Variants in HUNK observed in about 807,000 individuals in gnomAD.
HUNK encodes the protein hormonally up-regulated Neu-associated kinase.
Under a neutral mutation model 61.0 loss-of-function variants are expected in HUNK, and 21 were observed. That is an observed-to-expected ratio of 0.34 (90% CI 0.24 to 0.50). The LOEUF is 0.50. Ranked by LOEUF, HUNK falls within the 20% of genes least tolerant of loss-of-function variation. The probability of loss-of-function intolerance (pLI) is 0.98; values close to 1 mark genes in which losing one functional copy is unlikely to be tolerated. For missense variants in HUNK, 772 were observed against 945.7 expected, an observed-to-expected ratio of 0.82 and a Z score of 2.41; for synonymous variants, 371 against 386.1, an observed-to-expected ratio of 0.96 and a Z score of 0.46.
intron 2 of HUNK, among the ~76,000 whole-genome samples, chr21:31,938,025 T>C (rs1443469601): frequency 1.3e-5 from 2 of 152,254 alleles, no homozygotes; most frequent in East Asian, 1.9e-4. Flanking sequence ...AGTTTGAACA[T>C]GGATCTTCCT....
intron 1 of HUNK, among the ~76,000 whole-genome samples, chr21:31,921,682 C>T (rs988161428): frequency 6.6e-6 from 1 of 152,140 alleles, no homozygotes; most frequent in African/African-American, 2.4e-5. Flanking sequence ...ATTCAAGAGG[C>T]CAGGAGGAGC....
chr21:31,882,632 C>T (rs2052316725), intron 1 of HUNK, among the ~76,000 whole-genome samples: 1 of 152,110 alleles, frequency 6.6e-6, no homozygotes, highest in African/African-American at 2.4e-5. Context: ...ATCGGCGTGT[C>T]CATCACCTAA....
At chr21:31,921,482 G>A (rs2123814398) in intron 1 of HUNK, among the ~76,000 whole-genome samples, 1 of 152,256 alleles carries the variant, frequency 6.6e-6, no homozygotes, top group East Asian at 1.9e-4. Context: ...CCTGGAGAGT[G>A]ATAGAATGCA....
chr21:31,962,702 A>G (rs567757789), intron 5 of HUNK, among the ~76,000 whole-genome samples: 1 of 152,370 alleles, frequency 6.6e-6, no homozygotes, highest in South Asian at 2.1e-4. Context: ...TTTTCTAATT[A>G]GGGAATCTGA....
intron 1 of HUNK, among the ~76,000 whole-genome samples, chr21:31,879,991 A>G (rs1601355583): frequency 2.0e-5 from 3 of 152,178 alleles, no homozygotes; most frequent in Admixed American, 2.0e-4. Flanking sequence ...GCTTTCTGAT[A>G]GGAGGTGCCA....
chr21:31,901,015 G>A (rs1486463301), intron 1 of HUNK, among the ~76,000 whole-genome samples: 2 of 152,218 alleles, frequency 1.3e-5, no homozygotes, highest in African/African-American at 4.8e-5. Flanking sequence ...CTGGCAGCAC[G>A]ACTCCAGCCT....
At chr21:31,942,481 C>T (rs563421146) in intron 3 of HUNK, among the ~76,000 whole-genome samples, 24 of 152,304 alleles carry the variant, frequency 1.6e-4, no homozygotes, top group South Asian at 8.3e-4. Flanking sequence ...CTGCTGCAAT[C>T]GGTGGATGCA....
intron 5 of HUNK, among the ~76,000 whole-genome samples, chr21:31,965,588 G>A (rs992974634): frequency 8.0e-6 from 1 of 124,488 alleles, no homozygotes; most frequent in African/African-American, 3.1e-5. Context: ...ACTGTTCTTT[G>A]TTTTTCTTTT....
intron 1 of HUNK, among the ~76,000 whole-genome samples, chr21:31,903,700 C>T (rs1057285911): frequency 1.3e-5 from 2 of 152,190 alleles, no homozygotes; most frequent in Non-Finnish European, 2.9e-5. Flanking sequence ...TTTACCCCTC[C>T]GTTAACGGAA....
In HUNK at chr21:31,924,553, A is replaced by C. The variant is rs746129084; in HGVS notation, c.347A>C (p.Gln116Pro). The C allele has an allele frequency of 6.2e-7, 1 of 1,614,224 alleles. No homozygotes were observed. Among genetic ancestry groups the C allele is most frequent in the Admixed American group, 1.7e-5 (1 of 60,026 alleles). Residue 116 changes from glutamine to proline, a missense_variant, in exon 2 of 11, where the codon CAG becomes CCG. By Grantham distance (76) the Gln-to-Pro change is moderately conservative (BLOSUM62 -1). Transcript: ENST00000270112. This position sits in a 1 kb window ranked among gnomAD's most constrained non-coding sequence, Gnocchi z 5.1. ...CTGCGGCGAGAGGGTCAGATCCAGC[A>C]GATGATCCGCCACCCCAATATCACT... ...KNLRREGQIQ[Q>P]MIRHPNITQL... is the part of the protein sequence containing the mutation.
Position 31,937,363 on chromosome 21 carries a change from C to G in HUNK, c.555-2802C>G, listed in dbSNP as rs534198209. Among the ~76,000 whole-genome samples, 6 of 152,236 alleles carry G rather than the reference C, an allele frequency of 3.9e-5. No individual in the cohort carries two copies. In the East Asian group the frequency reaches 5.8e-4, roughly 15 times the overall value. On this transcript the variant is annotated intron_variant, in intron 2 of 10. Coordinates refer to ENST00000270112, the MANE Select transcript of HUNK (RefSeq NM_014586.2). ...AAGGAAGGTAAAAGCATTTATGGGG[C>G]TTTAATAATAACTTCTAGAGATACG...
intron 4 of HUNK, among the ~76,000 whole-genome samples, chr21:31,955,620 A>G (rs147297101): frequency 5.9e-5 from 9 of 152,300 alleles, no homozygotes; most frequent in African/African-American, 1.7e-4. Flanking sequence ...CAAGGCAGAC[A>G]CTGAAATTGG....
At chr21:31,909,602 C>T (rs1601372114) in intron 1 of HUNK, among the ~76,000 whole-genome samples, 1 of 152,172 alleles carries the variant, frequency 6.6e-6, no homozygotes, top group East Asian at 1.9e-4. Context: ...AGGAGGGTGG[C>T]CAGTGGGGAG....
intron 8 of HUNK, among the ~76,000 whole-genome samples, chr21:31,987,309 G>A (rs1300629188): frequency 1.3e-5 from 2 of 152,180 alleles, no homozygotes; most frequent in East Asian, 3.9e-4. Flanking sequence ...CAGAGTCCAG[G>A]GGATGCAGAA....
At position 31,990,147 on chromosome 21, in the gene HUNK, A is replaced by G. The variant is rs1271223045; in HGVS notation, c.1276A>G (p.Thr426Ala). ...TTCACAGGCCTCTCTGGACACCTGG[A>G]CACGAGATCTTGAATTCCATGCCGT... ...ESYEASLDTW[T>A]RDLEFHAVQD... The change falls in exon 9 of 11, where the codon ACA becomes GCA. Residue 426 changes from threonine (T) to alanine (A), a missense_variant. Thr to Ala is a moderately conservative substitution (Grantham distance 58). Around this residue, in one of 2 missense-constraint regions of HUNK, gnomAD observed 413 missense variants for 444.4 expected, o/e 0.93. Transcript: ENST00000270112. 3.1e-6 allele frequency: 5 copies of G among 1,614,050 alleles called. No homozygotes were observed. The East Asian group carries it at 8.9e-5, about 29-fold the overall frequency.
At position 31,896,898 on chromosome 21, in the gene HUNK, AT is replaced by A. The variant is rs2052428628; in HGVS notation, c.261+22964del. ...ACTAAAAAATGTTGTTGCTAGTAGC[AT>A]GATGTCATGTGGATTAGTTGCCTAT... On this transcript the variant is annotated intron_variant, in intron 1 of 10. Coordinates refer to ENST00000270112, the MANE Select transcript of HUNK (RefSeq NM_014586.2). 2.6e-5 allele frequency among the ~76,000 whole-genome samples: 4 copies of A among 152,358 alleles called. No individual in the cohort carries two copies. In the South Asian group the frequency reaches 8.3e-4, roughly 32 times the overall value.
At chr21:31,979,431 CTA>C (rs2053076369) in intron 7 of HUNK, among the ~76,000 whole-genome samples, 1 of 115,486 alleles carries the variant, frequency 8.7e-6, no homozygotes, top group East Asian at 2.4e-4. Flanking sequence ...TTGGCCATTT[CTA>C]TGTCTTCTTT....
At chr21:31,901,948 G>A (rs777404892) in intron 1 of HUNK, among the ~76,000 whole-genome samples, 35 of 152,118 alleles carry the variant, frequency 2.3e-4, no homozygotes, top group Non-Finnish European at 3.5e-4. Context: ...CTTAGCTGTC[G>A]GTTGAGAGTC....
intron 8 of HUNK, among the ~76,000 whole-genome samples, chr21:31,986,315 C>T (rs992556653): frequency 6.6e-6 from 1 of 151,940 alleles, no homozygotes; most frequent in African/African-American, 2.4e-5. Context: ...GCCAACCCAT[C>T]ACCACATTCT....
Sources: allele counts gnomAD v4.1 joint callset (sites outside exome capture counted in the v4.1 genomes callset), GRCh38; gene constraint gnomAD v4.1.1; regional missense constraint gnomAD v4.1.1; non-coding constraint Gnocchi (gnomAD v3.1); transcripts MANE v1.5; gene names NCBI Gene and HGNC (gene_info 2026-07-23, HGNC 2026-07-21).